The following PSME4 variants were observed in gnomAD, a reference collection of about 807,000 sequenced individuals.
PSME4 encodes the protein proteasome activator subunit 4, also known as proteasome activator complex subunit 4.
PSME4 carries 89 observed loss-of-function variants against 253.9 expected under a neutral mutation model. The ratio of observed to expected loss-of-function variants is 0.35; its 90% CI spans 0.30 to 0.42. The LOEUF (loss-of-function observed/expected upper bound fraction) is 0.42, where lower values mean the gene tolerates loss of function less well. Ranked by LOEUF, PSME4 falls within the 10% of genes least tolerant of loss-of-function variation. The pLI is 1.00. For missense variants in PSME4, 2,014 were observed against 2,195.2 expected (o/e 0.92, Z 1.65); for synonymous variants, 851 against 759.2 (o/e 1.12, Z -1.99).
At chr2:53,898,023 A>G (rs755455725) in intron 30 of PSME4, 24 bp from the exon 31 acceptor site, 5 of 1,602,386 alleles carry the variant, frequency 3.1e-6, no homozygotes, top group Non-Finnish European at 4.3e-6. Context: ...AAAATAACAA[A>G]GCATATCACA....
intron 2 of PSME4, 55 bp downstream of exon 2, chr2:53,949,088 T>C: frequency 1.3e-6 from 2 of 1,491,530 alleles, no homozygotes; most frequent in Non-Finnish European, 1.8e-6. Context: ...CCTCATTCCC[T>C]AAAACCCTGA....
intron 36 of PSME4, among the ~76,000 whole-genome samples, chr2:53,891,571 T>G (rs985693381): frequency 6.6e-6 from 1 of 151,748 alleles, no homozygotes; most frequent in Admixed American, 6.6e-5. Flanking sequence ...TTTAAAAGAA[T>G]GAATGAAGGC....
intron 1 of PSME4, among the ~76,000 whole-genome samples, chr2:53,953,795 G>A (rs1354369950): frequency 6.6e-6 from 1 of 152,072 alleles, no homozygotes; most frequent in Non-Finnish European, 1.5e-5. Context: ...TAGGACTAAT[G>A]ATTACTATTA....
chr2:53,928,181 T>A lies in PSME4; in HGVS notation c.1439A>T (p.His480Leu). The A allele has an allele frequency of 6.2e-7, 1 of 1,614,118 alleles. No homozygotes were observed. The highest frequency in any genetic ancestry group is 8.5e-7 in the Non-Finnish European group (1 of 1,180,010). ...TGCTCTCATCAACAGAGGTAGCATA[T>A]GTGTAGGACCTTCAGGAAACCATCT... ...GGRWFPEGPT[H>L]MLPLLMRALP... The change falls in exon 11 of 47, where the codon CAT becomes CTT. Residue 480 changes from histidine (H) to leucine (L), a missense_variant. Coordinates refer to ENST00000404125, the MANE Select transcript of PSME4 (RefSeq NM_014614.3).
At chr2:53,961,489 G>C (rs1256831905) in intron 1 of PSME4, among the ~76,000 whole-genome samples, 1 of 152,086 alleles carries the variant, frequency 6.6e-6, no homozygotes, top group Non-Finnish European at 1.5e-5. Flanking sequence ...AACATAGTGA[G>C]ACCCTGTCTC....
intron 1 of PSME4, among the ~76,000 whole-genome samples, chr2:53,961,620 G>A (rs1670499208): frequency 6.6e-6 from 1 of 152,146 alleles, no homozygotes. Flanking sequence ...TGAGTTTGCA[G>A]TGAGCTGTGA....
chr2:53,936,350 T>G (rs948735805), intron 6 of PSME4, among the ~76,000 whole-genome samples, 189 bp from the exon 7 acceptor site: 1 of 152,172 alleles, frequency 6.6e-6, no homozygotes, highest in African/African-American at 2.4e-5. Context: ...TTAAAATCAG[T>G]TGCAGTTAAA....
intron 41 of PSME4, among the ~76,000 whole-genome samples, chr2:53,882,686 T>C (rs1679448212): frequency 6.6e-6 from 1 of 152,194 alleles, no homozygotes; most frequent in Non-Finnish European, 1.5e-5. Flanking sequence ...TTGTTGTCTA[T>C]CTGGTGAACA....
At position 53,866,918 on chromosome 2, in the gene PSME4, A is replaced by G. The variant is rs200963638; in HGVS notation, c.5264-38T>C. 111 of 1,591,256 alleles carry G rather than the reference A, an allele frequency of 7.0e-5. No homozygotes were observed. In the East Asian group the frequency reaches 9.9e-4, roughly 14 times the overall value. ...TAGCAACATTTGTGCAAATATATAT[A>G]TGTCTCTAATGCACTTGTTACAGTG... On this transcript the variant is annotated intron_variant, in intron 44 of 46. Coordinates refer to ENST00000404125, the MANE Select transcript of PSME4 (RefSeq NM_014614.3).
intron 20 of PSME4, among the ~76,000 whole-genome samples, chr2:53,913,353 G>A (rs1179477513): frequency 6.6e-6 from 1 of 151,994 alleles, no homozygotes; most frequent in Non-Finnish European, 1.5e-5. Flanking sequence ...AAGAATCACT[G>A]GTAGGAAAGA....
At chr2:53,953,125 C>T (rs917246589) in intron 1 of PSME4, among the ~76,000 whole-genome samples, 5 of 152,112 alleles carry the variant, frequency 3.3e-5, no homozygotes, top group Admixed American at 3.3e-4. Context: ...CCCAGTTCCT[C>T]GCCAACCAGC....
intron 44 of PSME4, among the ~76,000 whole-genome samples, chr2:53,868,600 A>AAT (rs1171869564): frequency 1.6e-5 from 2 of 124,926 alleles, no homozygotes; most frequent in African/African-American, 6.6e-5. Flanking sequence ...ATATATATAT[A>AAT]ATATATATAC....
At chr2:53,904,375 T>C (rs113487899) in intron 26 of PSME4, among the ~76,000 whole-genome samples, 1 of 152,222 alleles carries the variant, frequency 6.6e-6, no homozygotes, top group Non-Finnish European at 1.5e-5. Flanking sequence ...TAGGTTACAC[T>C]GACTGAAATA....
chr2:53,915,120 T>A (rs1004961777), intron 20 of PSME4, among the ~76,000 whole-genome samples: 7 of 152,122 alleles, frequency 4.6e-5, no homozygotes, highest in African/African-American at 1.4e-4. Context: ...AAGTTAGACA[T>A]TCTCACAGGA....
intron 26 of PSME4, among the ~76,000 whole-genome samples, chr2:53,904,964 G>A (rs1680583008): frequency 2.0e-5 from 3 of 148,476 alleles, no homozygotes; most frequent in African/African-American, 5.0e-5. Flanking sequence ...CTCCAGCCTG[G>A]GTGACAGAGC....
intron 31 of PSME4, 29 bp from the exon 32 acceptor site, chr2:53,896,914 A>T (rs1469490752): frequency 3.3e-6 from 5 of 1,524,612 alleles, no homozygotes; most frequent in Non-Finnish European, 4.5e-6. Context: ...ACACATTCAT[A>T]AAAAAAAGTT....
intron 1 of PSME4, among the ~76,000 whole-genome samples, chr2:53,965,383 C>T (rs1238985469): frequency 2.0e-5 from 3 of 151,876 alleles, no homozygotes; most frequent in Non-Finnish European, 4.4e-5. Context: ...AGGCGAGTGC[C>T]ACCATACCAG....
intron 36 of PSME4, 152 bp from the exon 37 acceptor site, chr2:53,890,360 G>A: frequency 1.6e-6 from 1 of 607,534 alleles, no homozygotes; most frequent in Non-Finnish European, 2.9e-6. Flanking sequence ...AGGCTGGAGT[G>A]CAGTGGAATG....
rs1282533949 is a variant in PSME4 at position 53,970,977 on chromosome 2, G to A, written c.-193C>T. 6 of 471,626 alleles carry A rather than the reference G, an allele frequency of 1.3e-5. No individual in the cohort carries two copies. The Admixed American group carries it at 2.7e-4, about 21-fold the overall frequency. The allele number at this position is 471,626 out of a possible 1,614,324, so 29.2% of individuals were successfully genotyped here. A position where few individuals can be genotyped will look rare whatever the true frequency, so the allele number is the denominator to read the frequency against. On this transcript the variant is annotated 5_prime_UTR_variant, in exon 1 of 47. Transcript: ENST00000404125. Reference sequence around the variant, plus strand: ...CCACGCGGCTCTCAGTTCGTTGGCGGCGGCAGCGGCCGCTCTGCCCGCCCC... The same window carrying A: ...CCACGCGGCTCTCAGTTCGTTGGCGACGGCAGCGGCCGCTCTGCCCGCCCC...
Sources: allele counts gnomAD v4.1 joint callset (sites outside exome capture counted in the v4.1 genomes callset), GRCh38; gene constraint gnomAD v4.1.1; transcripts MANE v1.5; gene names NCBI Gene and HGNC (gene_info 2026-07-23, HGNC 2026-07-21).